Variants in OTUD7A observed in about 807,000 individuals in gnomAD.
OTUD7A encodes OTU domain-containing protein 7A.
Under a neutral mutation model 65.7 loss-of-function variants are expected in OTUD7A, and 12 were observed. The observed-to-expected ratio is 0.18, with a 90% CI of 0.12 to 0.30. The LOEUF is 0.30. Ranked by LOEUF, OTUD7A falls within the 10% of genes least tolerant of loss-of-function variation. The probability of loss-of-function intolerance (pLI) is 1.00; values close to 1 mark genes in which losing one functional copy is unlikely to be tolerated. For missense variants in OTUD7A, 1,148 were observed against 1,304.8 expected, an observed-to-expected ratio of 0.88 and a Z score of 1.85; for synonymous variants, 641 against 586.3, an observed-to-expected ratio of 1.09 and a Z score of -1.35.
chr15:31,598,976 C>T (rs1057123847), intron 3 of OTUD7A, among the ~76,000 whole-genome samples: 1 of 151,970 alleles, frequency 6.6e-6, no homozygotes, highest in Non-Finnish European at 1.5e-5. Flanking sequence ...CTGGGCAGGG[C>T]ATCTCTAAAA....
In OTUD7A at chr15:31,484,323, C is replaced by T. The variant is rs761531654; in HGVS notation, c.1773G>A (p.Ser591=). The change falls in exon 13 of 13, where the codon TCG becomes TCA. Residue 591 remains serine, a synonymous_variant. Transcript: ENST00000307050. This position sits in a 1 kb window ranked among gnomAD's most constrained non-coding sequence, Gnocchi z 4.5. ...ESGASASTSP[S]EKTTPSPTDK... Reference sequence around the variant, plus strand: ...CTGTGGGCGACGGCGTGGTCTTTTCCGACGGCGACGTGCTGGCCGACGCAC... The same window carrying T: ...CTGTGGGCGACGGCGTGGTCTTTTCTGACGGCGACGTGCTGGCCGACGCAC... The T allele has an allele frequency of 8.8e-6, 14 of 1,598,126 alleles. No individual in the cohort carries two copies. The highest frequency in any genetic ancestry group is 6.7e-5 in the East Asian group (3 of 44,722).
In OTUD7A at chr15:31,841,499, C is replaced by T. The variant is rs183660180; in HGVS notation, c.-100+29008G>A. ...CTCTGCCCCTCTACATAGTCACTTC[C>T]CTTACTACCCACCGAGTCAGTGTAT... On this transcript the variant is annotated intron_variant, in intron 1 of 12. Coordinates refer to ENST00000307050, the MANE Select transcript of OTUD7A (RefSeq NM_001382637.1). 4.6e-5 allele frequency among the ~76,000 whole-genome samples: 7 copies of T among 152,208 alleles called. No homozygotes were observed. The East Asian group carries it at 1.4e-3, about 29-fold the overall frequency.
At chr15:31,610,246 GA>G (rs946105934) in intron 3 of OTUD7A, among the ~76,000 whole-genome samples, 1 of 152,040 alleles carries the variant, frequency 6.6e-6, no homozygotes, top group African/African-American at 2.4e-5. Flanking sequence ...CCTTGTCCTG[GA>G]AAACATCACA....
In OTUD7A at chr15:31,487,236, G is replaced by A. The variant is rs368259056; in HGVS notation, c.1329C>T (p.Ser443=). 3.1e-6 allele frequency: 5 copies of A among 1,614,114 alleles called. No individual in the cohort carries two copies. Among genetic ancestry groups the A allele is most frequent in the South Asian group, 1.1e-5 (1 of 91,074 alleles). Residue 443 remains serine (S), a synonymous_variant, in exon 12 of 13, where the codon AGC becomes AGT. Coordinates refer to ENST00000307050, the MANE Select transcript of OTUD7A (RefSeq NM_001382637.1). The surrounding 1 kb of genome is among the most constrained non-coding windows in gnomAD (Gnocchi z 6.0). The part of the protein sequence containing the change: ...SLEAKLNLLH[S]YMNVTWIRIP... ...TCCGGATCCACGTCACGTTCATGTA[G>A]CTGTGCAGAAGGTTCAGCTTGGCTT...
chr15:31,614,910 A>G (rs1241926187), intron 3 of OTUD7A, among the ~76,000 whole-genome samples: 1 of 152,190 alleles, frequency 6.6e-6, no homozygotes, highest in Non-Finnish European at 1.5e-5. Flanking sequence ...TGAATTGTCC[A>G]AAGTATGGTA....
intron 3 of OTUD7A, among the ~76,000 whole-genome samples, chr15:31,633,491 A>G (rs998250505): frequency 6.6e-6 from 1 of 152,184 alleles, no homozygotes; most frequent in Non-Finnish European, 1.5e-5. Flanking sequence ...AGCAGGGCTT[A>G]GTCATCCTTG....
At chr15:31,607,973 G>A (rs1421700432) in intron 3 of OTUD7A, among the ~76,000 whole-genome samples, 2 of 152,226 alleles carry the variant, frequency 1.3e-5, no homozygotes, top group African/African-American at 2.4e-5. Context: ...TTTGGGCTGG[G>A]TGCAGTGGCT....
rs1184950826 is a variant in OTUD7A at position 31,483,318 on chromosome 15, GCGC to G, written c.2775_2777del (p.Arg926del). 4.2e-6 allele frequency: 5 copies of G among 1,196,204 alleles called. No individual in the cohort carries two copies. The highest frequency in any genetic ancestry group is 2.8e-5 in the South Asian group (1 of 36,188). 74.1% of individuals were successfully genotyped at this position (1,196,204 alleles called of 1,614,324 possible). A position where few individuals can be genotyped will look rare whatever the true frequency, so the allele number is the denominator to read the frequency against. Reference sequence around the variant, plus strand: ...CTCAGGGCCGGGCCCCGCGCGCCTCGCGCCGCCGCCGCAGCTCCTCGCGGTAGC... The same window carrying G: ...CTCAGGGCCGGGCCCCGCGCGCCTCGCGCCGCCGCAGCTCCTCGCGGTAGC... On this transcript the variant is annotated inframe_deletion, in exon 13 of 13. Coordinates refer to ENST00000307050, the MANE Select transcript of OTUD7A (RefSeq NM_001382637.1).
At chr15:31,845,360 T>C (rs1897273002) in intron 1 of OTUD7A, among the ~76,000 whole-genome samples, 1 of 152,204 alleles carries the variant, frequency 6.6e-6, no homozygotes, top group Admixed American at 6.5e-5. Context: ...CCCCTACTTC[T>C]GTCCTGATTC....
intron 1 of OTUD7A, among the ~76,000 whole-genome samples, chr15:31,763,057 C>T (rs1895010667): frequency 6.6e-6 from 1 of 152,060 alleles, no homozygotes; most frequent in Non-Finnish European, 1.5e-5. Flanking sequence ...CTGAGGCAGG[C>T]GGATCACCTG....
chr15:31,488,443 C>T (rs1444407657), intron 10 of OTUD7A, among the ~76,000 whole-genome samples: 2 of 152,274 alleles, frequency 1.3e-5, no homozygotes, highest in South Asian at 2.1e-4. Context: ...CCTAGTGACA[C>T]GGTTGACTCC....
intron 5 of OTUD7A, among the ~76,000 whole-genome samples, chr15:31,535,520 C>T (rs904668842): frequency 2.0e-5 from 3 of 152,028 alleles, no homozygotes; most frequent in African/African-American, 7.3e-5. Context: ...CAATTCCACT[C>T]GTGGATATTT....
At chr15:31,801,463 G>C (rs1018621606) in intron 1 of OTUD7A, among the ~76,000 whole-genome samples, 1 of 152,226 alleles carries the variant, frequency 6.6e-6, no homozygotes, top group Non-Finnish European at 1.5e-5. Context: ...GGCAAACTCT[G>C]GGCTGGTTCT....
At chr15:31,685,726 T>C (rs566982601) in intron 1 of OTUD7A, among the ~76,000 whole-genome samples, 12 of 152,364 alleles carry the variant, frequency 7.9e-5, no homozygotes, top group Non-Finnish European at 1.6e-4. Flanking sequence ...GTTCCCTTAC[T>C]GATGAGTTAA....
intron 8 of OTUD7A, among the ~76,000 whole-genome samples, chr15:31,522,675 C>T (rs774359206): frequency 1.3e-5 from 2 of 152,120 alleles, no homozygotes; most frequent in Non-Finnish European, 2.9e-5. Flanking sequence ...GTTCACATTC[C>T]CATCTGACCT....
At chr15:31,647,511 C>T (rs1318714937) in intron 3 of OTUD7A, among the ~76,000 whole-genome samples, 1 of 152,226 alleles carries the variant, frequency 6.6e-6, no homozygotes, top group Non-Finnish European at 1.5e-5. Flanking sequence ...CAGACATCCA[C>T]GTGGCTTGCT....
intron 5 of OTUD7A, among the ~76,000 whole-genome samples, chr15:31,539,169 T>C (rs1216064654): frequency 6.6e-6 from 1 of 152,118 alleles, no homozygotes; most frequent in Non-Finnish European, 1.5e-5. Context: ...CTCAAATCCA[T>C]GTTATCCCAT....
At chr15:31,854,826 A>AG (rs1897525090) in intron 1 of OTUD7A, among the ~76,000 whole-genome samples, 1 of 151,944 alleles carries the variant, frequency 6.6e-6, no homozygotes, top group African/African-American at 2.4e-5. Context: ...AAAAAAAAAA[A>AG]CAACAACAAC....
intron 5 of OTUD7A, among the ~76,000 whole-genome samples, chr15:31,531,866 G>A (rs913233972): frequency 4.6e-5 from 7 of 152,170 alleles, no homozygotes; most frequent in African/African-American, 1.7e-4. Context: ...CAGGGAGCCT[G>A]AACTTTCACA....
Sources: gnomAD v4.1 joint callset for allele counts (sites outside exome capture counted in the v4.1 genomes callset) on GRCh38, gnomAD v4.1.1 for gene constraint, Gnocchi (gnomAD v3.1) non-coding constraint, MANE v1.5 for transcripts, NCBI Gene and HGNC (gene_info 2026-07-23, HGNC 2026-07-21) for gene names.